The following STK11 variants were observed in gnomAD, a reference collection of about 807,000 sequenced individuals.
STK11 encodes the protein serine/threonine-protein kinase STK11.
In STK11, 8 loss-of-function variants were observed where a neutral mutation model predicts 47.3. The ratio of observed to expected loss-of-function variants is 0.17; its 90% confidence interval spans 0.10 to 0.31. The LOEUF (loss-of-function observed/expected upper bound fraction) is 0.31. Among genes scored for constraint, STK11 ranks in the 10% least tolerant of loss-of-function variants. The pLI is 1.00. For synonymous variants in STK11, 330 were observed against 255.8 expected (o/e 1.29, Z -2.77); for missense variants, 475 against 605.0 (o/e 0.79, Z 2.25).
At chr19:1,227,100 GCT>G (rs1258684457) in intron 9 of STK11, 1 of 180,446 alleles carries the variant, frequency 5.5e-6, no homozygotes, top group East Asian at 1.5e-4. Context: ...GGTGCCGCAG[GCT>G]CTGAGCCAGC....
At position 1,226,639 on chromosome 19, in the gene STK11, C is replaced by G. The variant is rs1057523149; in HGVS notation, c.1294C>G (p.Gln432Glu). Residue 432 changes from glutamine to glutamate, a missense_variant, in exon 9 of 10, where the codon CAG (glutamine) becomes GAG (glutamate). Physicochemically the swap from Gln to Glu is conservative, Grantham distance 29 (BLOSUM62 2). This residue lies in a region of STK11 where 219 missense variants were observed against 189.2 expected (regional missense o/e 1.16). Transcript: ENST00000326873. ...SKIRRLSACKQQ is the reference protein window; with the variant it reads ...SKIRRLSACKEQ Reference sequence around the variant, plus strand: ...GATCCGCCGGCTGTCGGCCTGCAAGCAGCAGTGAGGCTGGCCGCCTGCAGG... The same window carrying G: ...GATCCGCCGGCTGTCGGCCTGCAAGGAGCAGTGAGGCTGGCCGCCTGCAGG... 1 of 1,535,010 alleles carries G rather than the reference C, an allele frequency of 6.5e-7. No homozygotes were observed.
In STK11 at chr19:1,207,001, G is replaced by C. The variant is rs2145404834; in HGVS notation, c.88G>C (p.Asp30His). The change falls in exon 1 of 10, where the codon GAC (aspartate) becomes CAC (histidine). Residue 30 changes from aspartate to histidine, a missense_variant. Asp to His is a moderately conservative substitution (Grantham distance 81). Around this residue, in one of 5 missense-constraint regions of STK11, gnomAD observed 47 missense variants for 103.7 expected, o/e 0.45. Transcript: ENST00000326873. Reference protein sequence around the residue: ...VGMDTFIHRIDSTEVIYQPRR... With the variant: ...VGMDTFIHRIHSTEVIYQPRR... ...TATGGACACGTTCATCCACCGCATC[G>C]ACTCCACCGAGGTCATCTACCAGCC... 1 of 1,613,480 alleles carries C rather than the reference G, an allele frequency of 6.2e-7. No homozygotes were observed. Among genetic ancestry groups the C allele is most frequent in the Non-Finnish European group, 8.5e-7 (1 of 1,179,788 alleles).
chr19:1,218,106 C>T (rs2080756116), intron 1 of STK11, among the ~76,000 whole-genome samples: 1 of 151,910 alleles, frequency 6.6e-6, no homozygotes, highest in East Asian at 1.9e-4. Context: ...ATCGGGCCAC[C>T]GTGCTCCAGC....
Position 1,223,081 on chromosome 19 carries a change from G to A in STK11, c.1017G>A (p.Pro339=), listed in dbSNP as rs773049570. The change falls in exon 8 of 10, where the codon CCG becomes CCA. Residue 339 remains proline (P), a synonymous_variant. Coordinates refer to ENST00000326873, the MANE Select transcript of STK11 (RefSeq NM_000455.5). ...GGTGGCGCAGCATGACTGTGGTGCC[G>A]TACTTGGAGGACCTGCACGGCGCGG... ...KDRWRSMTVV[P]YLEDLHGADE... 9.3e-6 allele frequency: 15 copies of A among 1,609,122 alleles called. No homozygotes were observed. The East Asian group carries it at 1.3e-4, about 14-fold the overall frequency.
At chr19:1,208,549 C>A (rs2080685638) in intron 1 of STK11, among the ~76,000 whole-genome samples, 1 of 150,222 alleles carries the variant, frequency 6.7e-6, no homozygotes, top group South Asian at 2.1e-4. Context: ...ACCTCGTGAT[C>A]CGCCCGCCTC....
intron 1 of STK11, among the ~76,000 whole-genome samples, chr19:1,208,607 CTTTTTTTTTT>C (rs71174355): frequency 6.6e-4 from 25 of 37,790 alleles, no homozygotes; most frequent in Non-Finnish European, 9.8e-4. Context: ...CGCGTGCGGC[CTTTTTTTTTT>C]TTTTTTTTTT....
At position 1,226,513 on chromosome 19, in the gene STK11, G is replaced by A. The variant is rs374078532; in HGVS notation, c.1168G>A (p.Val390Met). ...NGQRRGLPKA[V>M]CMNGTEAAQL... ...ACAGCGCCGGGGCCTCCCCAAGGCC[G>A]TGTGTATGAACGGCACAGAGGCGGC... is the stretch of plus-strand genomic sequence containing the variant. The change falls in exon 9 of 10, where the codon GTG becomes ATG. Residue 390 changes from valine to methionine, a missense_variant. Coordinates refer to ENST00000326873, the MANE Select transcript of STK11 (RefSeq NM_000455.5). The A allele has an allele frequency of 8.1e-6, 13 of 1,610,392 alleles. No individual in the cohort carries two copies. The highest frequency in any genetic ancestry group is 4.5e-5 in the East Asian group (2 of 44,840).
chr19:1,220,467 G>T lies in STK11; in HGVS notation c.559G>T (p.Gly187Cys), dbSNP rs587782032. The T allele has an allele frequency of 6.2e-7, 1 of 1,607,094 alleles. No individual in the cohort carries two copies. Among genetic ancestry groups the T allele is most frequent in the South Asian group, 1.1e-5 (1 of 89,982 alleles). Reference protein sequence around the residue: ...IKPGNLLLTTGGTLKISDLGV... With the variant: ...IKPGNLLLTTCGTLKISDLGV... ...GCCGGGGAACCTGCTGCTCACCACCGGTGGCACCCTCAAAATCTCCGACCT... is the reference window on the plus strand; with the variant it reads ...GCCGGGGAACCTGCTGCTCACCACCTGTGGCACCCTCAAAATCTCCGACCT... The change falls in exon 4 of 10, where the codon GGT (glycine) becomes TGT (cysteine). Residue 187 changes from glycine to cysteine, a missense_variant. By Grantham distance (159) the Gly-to-Cys change is radical. This residue lies in a region of STK11 where 130 missense variants were observed against 239.7 expected (regional missense o/e 0.54). Coordinates refer to ENST00000326873, the MANE Select transcript of STK11 (RefSeq NM_000455.5).
At chr19:1,227,526 A>T (rs1339681914) in intron 9 of STK11, 67 bp from the exon 10 acceptor site, 5 of 1,060,424 alleles carry the variant, frequency 4.7e-6, no homozygotes, top group Non-Finnish European at 5.7e-6. Context: ...CCATCCTCCC[A>T]GGGGCCCGCG....
At chr19:1,210,595 C>T (rs2080702974) in intron 1 of STK11, among the ~76,000 whole-genome samples, 1 of 152,228 alleles carries the variant, frequency 6.6e-6, no homozygotes, top group East Asian at 1.9e-4. Flanking sequence ...GAGGGCTGGG[C>T]ATGTTCGGTC....
rs757276643 is a variant in STK11 at position 1,221,943 on chromosome 19, C to T, written c.863-6C>T. Reference sequence around the variant, plus strand: ...GCTGACAGGCTCCTCGCCGGCTTCTCCTCAGGGATGCTTGAGTACGAACCG... The same window carrying T: ...GCTGACAGGCTCCTCGCCGGCTTCTTCTCAGGGATGCTTGAGTACGAACCG... On this transcript the variant is annotated splice_polypyrimidine_tract_variant and splice_region_variant and intron_variant, in intron 6 of 9. Transcript: ENST00000326873. 9.4e-5 allele frequency: 146 copies of T among 1,555,094 alleles called. No individual in the cohort carries two copies. The highest frequency in any genetic ancestry group is 1.3e-4 in the Non-Finnish European group (146 of 1,149,852).
chr19:1,222,757 G>T (rs1053084146), intron 7 of STK11, among the ~76,000 whole-genome samples: 2 of 152,182 alleles, frequency 1.3e-5, no homozygotes, highest in African/African-American at 2.4e-5. Context: ...GTGCCACCTG[G>T]GACACAGGCC....
chr19:1,208,388 A>G (rs1262637744), intron 1 of STK11, among the ~76,000 whole-genome samples: 1 of 150,532 alleles, frequency 6.6e-6, no homozygotes. Context: ...GCTCACTGCA[A>G]GCTCCGCCTC....
Position 1,208,667 on chromosome 19 carries a change from G to A in STK11, c.290+1464G>A, listed in dbSNP as rs1391635563. Among the ~76,000 whole-genome samples the A allele has an allele frequency of 2.3e-5, 3 of 131,908 alleles. No individual in the cohort carries two copies. The South Asian group carries it at 7.4e-4, about 32-fold the overall frequency. 86.5% of individuals were successfully genotyped at this position (131,908 alleles called of 152,430 possible). A position where few individuals can be genotyped will look rare whatever the true frequency, so the allele number is the denominator to read the frequency against. ...AGTTTCACTCTTGTTGCTCAGGCTG[G>A]AGTGCAGTGGAGTGGTCTTGGCTCA... On this transcript the variant is annotated intron_variant, in intron 1 of 9. Transcript: ENST00000326873.
chr19:1,219,440 T>C, intron 3 of STK11, 27 bp downstream of exon 3: 1 of 890,590 alleles, frequency 1.1e-6, no homozygotes, highest in African/African-American at 1.9e-5. Flanking sequence ...GGGGCCAGGG[T>C]GGGGCGGGGG....
Position 1,207,256 on chromosome 19 carries a change from T to C in STK11, c.290+53T>C, listed in dbSNP as rs539725803. On this transcript the variant is annotated intron_variant, in intron 1 of 9. Transcript: ENST00000326873. ...CGGGCCGGGCCAGTCACGGTGCTGA[T>C]GGTTCTGTCTTCCTTCCTTCTCTCC... 1.0e-5 allele frequency: 16 copies of C among 1,541,166 alleles called. No individual in the cohort carries two copies. In the East Asian group the frequency reaches 1.2e-4, roughly 12 times the overall value.
chr19:1,218,542 G>A (rs747250049), intron 2 of STK11, 42 bp downstream of exon 2: 1 of 1,575,048 alleles, frequency 6.3e-7, no homozygotes, highest in South Asian at 1.1e-5. Context: ...TCCGTGGGAG[G>A]GGCTGGGGCC....
intron 1 of STK11, among the ~76,000 whole-genome samples, chr19:1,209,667 G>A (rs1055337693): frequency 1.1e-4 from 16 of 152,118 alleles, no homozygotes; most frequent in African/African-American, 3.4e-4. Context: ...AGGGTCAATG[G>A]GAAGACAGAC....
At chr19:1,208,943 C>T (rs1008767500) in intron 1 of STK11, among the ~76,000 whole-genome samples, 4 of 151,972 alleles carry the variant, frequency 2.6e-5, no homozygotes, top group East Asian at 3.9e-4. Flanking sequence ...AATCAGCATG[C>T]AGGCTGTGAC....
Sources: gnomAD v4.1 joint callset for allele counts (sites outside exome capture counted in the v4.1 genomes callset) on GRCh38, gnomAD v4.1.1 for gene constraint, gnomAD v4.1.1 regional missense constraint, MANE v1.5 for transcripts, NCBI Gene and HGNC (gene_info 2026-07-23, HGNC 2026-07-21) for gene names.